DTWD2: variants seen among roughly 807,000 people sequenced by gnomAD.
DTWD2 encodes the protein DTW motif tRNA-uridine aminocarboxypropyltransferase 2, also known as tRNA-uridine aminocarboxypropyltransferase 2.
DTWD2 carries 39 observed loss-of-function variants against 31.8 expected under a neutral mutation model. The observed-to-expected ratio is 1.22, with a 90% CI of 0.95 to 1.60. The LOEUF is 1.60. Among genes scored for constraint, DTWD2 ranks in the 40% most tolerant of loss-of-function variants. The pLI is 0.00. For missense variants in DTWD2, 515 were observed against 381.5 expected, an observed-to-expected ratio of 1.35 and a Z score of -2.92; for synonymous variants, 180 against 142.8, an observed-to-expected ratio of 1.26 and a Z score of -1.86.
At chr5:118,949,576 T>C (rs1056891603) in intron 1 of DTWD2, among the ~76,000 whole-genome samples, 4 of 152,180 alleles carry the variant, frequency 2.6e-5, no homozygotes, top group Non-Finnish European at 5.9e-5. Context: ...TAGAAGCCCA[T>C]GCTGTAGCAA....
At chr5:118,900,393 G>T (rs1268660276) in intron 4 of DTWD2, among the ~76,000 whole-genome samples, 1 of 152,088 alleles carries the variant, frequency 6.6e-6, no homozygotes, top group East Asian at 1.9e-4. Flanking sequence ...TAAATCAGTA[G>T]ATGTAAACAC....
At chr5:118,967,422 T>A (rs1754877045) in intron 1 of DTWD2, among the ~76,000 whole-genome samples, 1 of 152,240 alleles carries the variant, frequency 6.6e-6, no homozygotes, top group African/African-American at 2.4e-5. Context: ...AATATCATTT[T>A]ACAATAAACC....
chr5:118,948,989 A>G (rs1420428880), intron 1 of DTWD2, among the ~76,000 whole-genome samples: 2 of 152,194 alleles, frequency 1.3e-5, no homozygotes, highest in African/African-American at 4.8e-5. Flanking sequence ...GCCAGACACG[A>G]TCAGCAGGGA....
chr5:118,918,249 T>C (rs950576362), intron 4 of DTWD2, among the ~76,000 whole-genome samples: 19 of 152,330 alleles, frequency 1.2e-4, no homozygotes, highest in Admixed American at 7.8e-4. Flanking sequence ...CTGAAAACGT[T>C]TGGAAAATAA....
At chr5:118,891,251 A>AT (rs564149852) in intron 4 of DTWD2, among the ~76,000 whole-genome samples, 15 of 149,728 alleles carry the variant, frequency 1.0e-4, no homozygotes, top group East Asian at 5.8e-4. Context: ...AAGGTCAAGT[A>AT]TTTTTTTTTT....
rs573593607 is a variant in DTWD2 at position 118,919,380 on chromosome 5, G to A, written c.597+9157C>T. On this transcript the variant is annotated intron_variant, in intron 4 of 5. Transcript: ENST00000510708. ...TAGGTTTTTAAAACCCTTGAAGTATGAGCAAATGACTCAGGTTTTATTACC... is the reference window on the plus strand; with the variant it reads ...TAGGTTTTTAAAACCCTTGAAGTATAAGCAAATGACTCAGGTTTTATTACC... 2.4e-4 allele frequency among the ~76,000 whole-genome samples: 36 copies of A among 152,320 alleles called. 1 individual carries two copies. The South Asian group carries it at 7.0e-3, about 30-fold the overall frequency.
intron 4 of DTWD2, among the ~76,000 whole-genome samples, chr5:118,912,940 C>A (rs534171756): frequency 6.6e-6 from 1 of 152,112 alleles, no homozygotes; most frequent in Non-Finnish European, 1.5e-5. Context: ...AAGCTATCAA[C>A]AAGATGCAAT....
rs749424444 is a variant in DTWD2, at chr5:118,988,416, C to T, written c.96G>A (p.Arg32=). ...CCGCCGCCGGCACTGCGCCGCCCTC[C>T]CGCCGCTCCTTGTCGTTCGGCGTCT... is the stretch of plus-strand genomic sequence containing the variant. ...SSQTPNDKER[R]EGGAVPAAAA... The change falls in exon 1 of 6, where the codon CGG becomes CGA. Residue 32 remains arginine (R), a synonymous_variant. Transcript: ENST00000510708. The T allele has an allele frequency of 1.9e-6, 3 of 1,604,570 alleles. No individual in the cohort carries two copies. Among genetic ancestry groups the T allele is most frequent in the African/African-American group, 1.4e-5 (1 of 74,008 alleles).
At chr5:118,956,378 T>G (rs574662579) in intron 1 of DTWD2, among the ~76,000 whole-genome samples, 1 of 152,242 alleles carries the variant, frequency 6.6e-6, no homozygotes, top group Non-Finnish European at 1.5e-5. Context: ...ATAAGCTTTT[T>G]CTTCTTTTCT....
chr5:118,957,589 C>T (rs2442122), intron 1 of DTWD2, among the ~76,000 whole-genome samples: 60,955 of 151,762 alleles, frequency 0.4, 13,534 homozygotes, highest in East Asian at 0.94. Context: ...TAATATATAT[C>T]TGTTTTAAAT....
At chr5:118,842,266 C>T (rs1751735921) in intron 5 of DTWD2, among the ~76,000 whole-genome samples, 2 of 152,098 alleles carry the variant, frequency 1.3e-5, no homozygotes, top group Non-Finnish European at 2.9e-5. Flanking sequence ...ATGTGTCCAG[C>T]TACTAATATT....
chr5:118,957,962 C>G (rs1580436976), intron 1 of DTWD2, among the ~76,000 whole-genome samples: 1 of 152,060 alleles, frequency 6.6e-6, no homozygotes, highest in African/African-American at 2.4e-5. Context: ...GCATCATATA[C>G]TAATATACAA....
chr5:118,936,499 A>G (rs969065333), intron 3 of DTWD2, among the ~76,000 whole-genome samples: 4 of 152,088 alleles, frequency 2.6e-5, no homozygotes, highest in African/African-American at 9.7e-5. Flanking sequence ...TTATAGATTT[A>G]CAGCTGAAAT....
chr5:118,933,292 A>G (rs1753966398), intron 3 of DTWD2, among the ~76,000 whole-genome samples: 1 of 152,214 alleles, frequency 6.6e-6, no homozygotes, highest in Non-Finnish European at 1.5e-5. Flanking sequence ...AAAAACAGAC[A>G]GAACATTGCC....
At chr5:118,867,206 A>G (rs1302561949) in intron 4 of DTWD2, among the ~76,000 whole-genome samples, 2 of 152,206 alleles carry the variant, frequency 1.3e-5, no homozygotes, top group African/African-American at 2.4e-5. Context: ...AATGATTTAT[A>G]AACTTTACAG....
At chr5:118,920,221 A>G (rs932346019) in intron 4 of DTWD2, among the ~76,000 whole-genome samples, 1 of 152,162 alleles carries the variant, frequency 6.6e-6, no homozygotes, top group African/African-American at 2.4e-5. Context: ...ACATATCTAC[A>G]TACATTAATT....
intron 4 of DTWD2, among the ~76,000 whole-genome samples, chr5:118,882,726 C>T (rs905410149): frequency 1.3e-5 from 2 of 152,224 alleles, no homozygotes; most frequent in Non-Finnish European, 2.9e-5. Flanking sequence ...CTTAGCCTAC[C>T]CTTTAGCAAT....
intron 4 of DTWD2, among the ~76,000 whole-genome samples, chr5:118,866,460 T>C (rs1752382757): frequency 6.6e-6 from 1 of 152,086 alleles, no homozygotes; most frequent in South Asian, 2.1e-4. Context: ...ATAAGCAAAT[T>C]GAATCCAGCA....
intron 1 of DTWD2, among the ~76,000 whole-genome samples, chr5:118,986,857 G>A (rs1305156285): frequency 6.6e-6 from 1 of 151,448 alleles, no homozygotes. Flanking sequence ...CATAGCAAGA[G>A]GGAGGAGAGC....
Sources: allele counts gnomAD v4.1 joint callset (sites outside exome capture counted in the v4.1 genomes callset), GRCh38; gene constraint gnomAD v4.1.1; transcripts MANE v1.5; gene names NCBI Gene and HGNC (gene_info 2026-07-23, HGNC 2026-07-21).